Variants in ZNF93 observed in about 807,000 individuals in gnomAD.
The protein encoded by ZNF93 is zinc finger protein 93.
In ZNF93, 29 loss-of-function variants were observed where a neutral mutation model predicts 45.0. The ratio of observed to expected loss-of-function variants is 0.64; its 90% confidence interval spans 0.48 to 0.88. ZNF93 has a LOEUF of 0.88. Among genes scored for constraint, ZNF93 ranks in the 40% least tolerant of loss-of-function variants. The probability of loss-of-function intolerance (pLI) is 0.00; values close to 1 mark genes in which losing one functional copy is unlikely to be tolerated. For synonymous variants in ZNF93, 223 were observed against 244.6 expected (o/e 0.91, Z 0.82); for missense variants, 578 against 724.0 (o/e 0.80, Z 2.31).
At chr19:19,926,788 CTA>C (rs1395342209) in intron 3 of ZNF93, among the ~76,000 whole-genome samples, 1 of 152,078 alleles carries the variant, frequency 6.6e-6, no homozygotes, top group Non-Finnish European at 1.5e-5. Context: ...TTATGCATGT[CTA>C]TCAATCAGAT....
chr19:19,911,414 C>T (rs2063307553), intron 1 of ZNF93, among the ~76,000 whole-genome samples: 2 of 152,222 alleles, frequency 1.3e-5, no homozygotes, highest in South Asian at 4.1e-4. Flanking sequence ...TTCATTCCCT[C>T]ATACAAGAGA....
intron 3 of ZNF93, chr19:19,932,055 C>A: frequency 3.0e-6 from 1 of 331,146 alleles, no homozygotes. Flanking sequence ...GTGGGTGGAT[C>A]CCGAGGTCAG....
At chr19:19,931,565 A>G (rs1260272854) in intron 3 of ZNF93, among the ~76,000 whole-genome samples, 1 of 150,752 alleles carries the variant, frequency 6.6e-6, no homozygotes, top group Non-Finnish European at 1.5e-5. Flanking sequence ...GAGGTTTGCC[A>G]TGTTGCCCAG....
At chr19:19,904,444 G>T (rs185949271) in intron 1 of ZNF93, among the ~76,000 whole-genome samples, 1 of 152,046 alleles carries the variant, frequency 6.6e-6, no homozygotes, top group African/African-American at 2.4e-5. Context: ...GTTGAGTTTC[G>T]TGGAGGTGAT....
At chr19:19,931,794 T>A (rs1183890964) in intron 3 of ZNF93, among the ~76,000 whole-genome samples, 5 of 152,232 alleles carry the variant, frequency 3.3e-5, no homozygotes. Context: ...CATTTAATTT[T>A]GTACTGGCAT....
intron 3 of ZNF93, among the ~76,000 whole-genome samples, chr19:19,924,651 T>C (rs2063351443): frequency 6.6e-6 from 1 of 151,380 alleles, no homozygotes; most frequent in Admixed American, 6.6e-5. Flanking sequence ...AGTGCAATGG[T>C]GCAATCTAGG....
intron 3 of ZNF93, among the ~76,000 whole-genome samples, chr19:19,928,761 C>G (rs891829414): frequency 6.6e-6 from 1 of 152,148 alleles, no homozygotes; most frequent in Admixed American, 6.5e-5. Flanking sequence ...CTTTTGACAC[C>G]AATGGATCTC....
chr19:19,921,565 G>T (rs1278439931), intron 3 of ZNF93, among the ~76,000 whole-genome samples: 4 of 152,182 alleles, frequency 2.6e-5, no homozygotes, highest in African/African-American at 7.2e-5. Context: ...CATTATTACT[G>T]TGTGGGAGTC....
chr19:19,913,872 T>C (rs1327362132), intron 1 of ZNF93, among the ~76,000 whole-genome samples: 1 of 152,220 alleles, frequency 6.6e-6, no homozygotes, highest in Non-Finnish European at 1.5e-5. Flanking sequence ...GATGAAGAGC[T>C]GTGTCCACTC....
chr19:19,926,796 C>T (rs1382693388), intron 3 of ZNF93, among the ~76,000 whole-genome samples: 1 of 152,082 alleles, frequency 6.6e-6, no homozygotes, highest in East Asian at 1.9e-4. Flanking sequence ...GTCTATCAAT[C>T]AGATTATATA....
At chr19:19,901,132 C>T in intron 1 of ZNF93, 41 bp downstream of exon 1, 1 of 1,613,038 alleles carries the variant, frequency 6.2e-7, no homozygotes, top group Non-Finnish European at 8.5e-7. Context: ...CGGGGAGGGG[C>T]TGGTTGGAAC....
intron 1 of ZNF93, among the ~76,000 whole-genome samples, chr19:19,911,164 G>A (rs1180482460): frequency 3.3e-5 from 5 of 152,178 alleles, no homozygotes; most frequent in Admixed American, 6.5e-5. Flanking sequence ...AAATCAGAAT[G>A]GGTGATCCAG....
intron 1 of ZNF93, among the ~76,000 whole-genome samples, chr19:19,906,015 A>T (rs1253614980): frequency 6.6e-6 from 1 of 152,166 alleles, no homozygotes; most frequent in Admixed American, 6.5e-5. Flanking sequence ...ATAATAATTT[A>T]TATTTCTTCG....
chr19:19,922,610 C>T lies in ZNF93; in HGVS notation c.226+5955C>T, dbSNP rs550110419. Reference sequence around the variant, plus strand: ...TAGATTTGGTCTTTTCACATAGTCTCATATTTCTTGGAGGCTTTGTTCATT... The same window carrying T: ...TAGATTTGGTCTTTTCACATAGTCTTATATTTCTTGGAGGCTTTGTTCATT... On this transcript the variant is annotated intron_variant, in intron 3 of 3. Transcript: ENST00000343769. 1.6e-4 allele frequency among the ~76,000 whole-genome samples: 24 copies of T among 152,330 alleles called. No individual in the cohort carries two copies. In the South Asian group the frequency reaches 4.4e-3, roughly 28 times the overall value.
chr19:19,912,112 A>G (rs996488478), intron 1 of ZNF93, among the ~76,000 whole-genome samples: 1 of 152,172 alleles, frequency 6.6e-6, no homozygotes, highest in Non-Finnish European at 1.5e-5. Flanking sequence ...AAATTACCCT[A>G]GAAAACCTTA....
intron 1 of ZNF93, among the ~76,000 whole-genome samples, chr19:19,909,728 C>G (rs1200812863): frequency 6.6e-6 from 1 of 152,206 alleles, no homozygotes. Context: ...ATTGTTTCCA[C>G]AGAGTGTCTA....
intron 3 of ZNF93, among the ~76,000 whole-genome samples, chr19:19,917,652 G>A (rs934738579): frequency 1.1e-4 from 17 of 151,894 alleles, no homozygotes; most frequent in African/African-American, 3.9e-4. Flanking sequence ...GCAGTGGCAC[G>A]ATCTCAGCTC....
At chr19:19,921,610 T>C (rs1314076527) in intron 3 of ZNF93, among the ~76,000 whole-genome samples, 2 of 152,194 alleles carry the variant, frequency 1.3e-5, no homozygotes, top group Non-Finnish European at 1.5e-5. Context: ...GGACTTGCTT[T>C]ATGAATCTGG....
chr19:19,933,948 T>A lies in ZNF93; in HGVS notation c.993T>A (p.His331Gln), dbSNP rs2063383629. Reference sequence around the variant, plus strand: ...AGTACTCCCGTATCCTTACTACACATAAGAGAATTCATACTGGAGAGAAAC... The same window carrying A: ...AGTACTCCCGTATCCTTACTACACAAAAGAGAATTCATACTGGAGAGAAAC... The part of the protein sequence containing the change: ...AFKYSRILTT[H>Q]KRIHTGEKPY... Residue 331 changes from histidine (H) to glutamine (Q), a missense_variant, in exon 4 of 4, where the codon CAT (histidine) becomes CAA (glutamine). This residue lies in a region of ZNF93 where 446 missense variants were observed against 547.6 expected (regional missense o/e 0.81). Transcript: ENST00000343769. 6.2e-7 allele frequency: 1 copy of A among 1,612,226 alleles called. No homozygotes were observed. Among genetic ancestry groups the A allele is most frequent in the Non-Finnish European group, 8.5e-7 (1 of 1,179,376 alleles).
Sources: allele counts gnomAD v4.1 joint callset (sites outside exome capture counted in the v4.1 genomes callset), GRCh38; gene constraint gnomAD v4.1.1; regional missense constraint gnomAD v4.1.1; transcripts MANE v1.5; gene names NCBI Gene and HGNC (gene_info 2026-07-23, HGNC 2026-07-21).